The following FANCI variants were observed in gnomAD, a reference collection of about 807,000 sequenced individuals.
The protein encoded by FANCI is Fanconi anemia group I protein.
In FANCI, 156 loss-of-function variants were observed where a neutral mutation model predicts 176.1. That is an observed-to-expected ratio of 0.89 (90% CI 0.78 to 1.01). FANCI has a LOEUF of 1.01. Ranked by LOEUF, FANCI falls within the 50% of genes least tolerant of loss-of-function variation. The pLI, the probability that FANCI is intolerant of heterozygous loss-of-function variation, is 0.00. For missense variants in FANCI, 1,678 were observed against 1,534.1 expected, an observed-to-expected ratio of 1.09 and a Z score of -1.57; for synonymous variants, 613 against 541.7, an observed-to-expected ratio of 1.13 and a Z score of -1.83.
intron 12 of FANCI, among the ~76,000 whole-genome samples, 164 bp downstream of exon 12, chr15:89,274,468 C>G (rs1238729247): frequency 6.6e-6 from 1 of 152,130 alleles, no homozygotes; most frequent in East Asian, 1.9e-4. Context: ...GATACTTTTT[C>G]CCTATGGAAA....
At chr15:89,267,320 C>CAAAAAAAAAA (rs35394265) in intron 9 of FANCI, among the ~76,000 whole-genome samples, 1 of 130,232 alleles carries the variant, frequency 7.7e-6, no homozygotes, top group Non-Finnish European at 1.6e-5. Flanking sequence ...ATCCTTGTCT[C>CAAAAAAAAAA]AAAAAAAAAA....
At chr15:89,310,694 C>T (rs2054919883) in intron 34 of FANCI, among the ~76,000 whole-genome samples, 2 of 152,272 alleles carry the variant, frequency 1.3e-5, no homozygotes, top group African/African-American at 4.8e-5. Context: ...GCATTTTCCA[C>T]ACCTCTCAGT....
intron 34 of FANCI, among the ~76,000 whole-genome samples, chr15:89,312,543 G>A (rs561594866): frequency 6.6e-6 from 1 of 152,312 alleles, no homozygotes; most frequent in South Asian, 2.1e-4. Flanking sequence ...CTAGTTGGTG[G>A]GCATGGTGGC....
In FANCI at chr15:89,273,361, G is replaced by C; in HGVS notation, c.883-16G>C. On this transcript the variant is annotated splice_polypyrimidine_tract_variant and intron_variant, in intron 10 of 37. Transcript: ENST00000310775. ...AAATGTAAGTAAATGACTTCCTTTT[G>C]GTTGCTCTCTTCTAGGTAGGACAGC... is the stretch of plus-strand genomic sequence containing the variant. 7.7e-7 allele frequency: 1 copy of C among 1,298,768 alleles called. No individual in the cohort carries two copies. Among genetic ancestry groups the C allele is most frequent in the Non-Finnish European group, 1.1e-6 (1 of 904,480 alleles). The allele number at this position is 1,298,768 out of a possible 1,614,324, so 80.5% of individuals were successfully genotyped here.
At chr15:89,315,182 G>GA in intron 36 of FANCI, 100 bp from the exon 37 acceptor site, 3 of 875,846 alleles carry the variant, frequency 3.4e-6, no homozygotes. Context: ...GCTTTAGGTA[G>GA]AAATGGAAAG....
chr15:89,288,864 GC>G (rs2053938400), intron 18 of FANCI, among the ~76,000 whole-genome samples: 1 of 151,638 alleles, frequency 6.6e-6, no homozygotes, highest in Non-Finnish European at 1.5e-5. Context: ...GGTCTCAAAT[GC>G]CCTGGCTTCA....
intron 22 of FANCI, among the ~76,000 whole-genome samples, 188 bp from the exon 23 acceptor site, chr15:89,293,645 A>T (rs1173625130): frequency 6.6e-6 from 1 of 152,196 alleles, no homozygotes. Context: ...CCAAGGTCAC[A>T]CCAGGGGAAA....
intron 37 of FANCI, among the ~76,000 whole-genome samples, chr15:89,316,021 C>T (rs1182526484): frequency 6.6e-6 from 1 of 152,214 alleles, no homozygotes; most frequent in African/African-American, 2.4e-5. Context: ...TTTGAACATG[C>T]ATTCTTCAGA....
At chr15:89,294,797 TA>T in intron 23 of FANCI, 117 bp from the exon 24 acceptor site, 1 of 1,048,968 alleles carries the variant, frequency 9.5e-7, no homozygotes, top group Non-Finnish European at 1.3e-6. Context: ...AGTCGGAACT[TA>T]CTGGCAAGCT....
intron 32 of FANCI, among the ~76,000 whole-genome samples, chr15:89,306,827 A>T (rs2054741209): frequency 6.6e-6 from 1 of 152,204 alleles, no homozygotes; most frequent in East Asian, 1.9e-4. Flanking sequence ...CTATCCTAGA[A>T]TTAAATCTGG....
chr15:89,279,775 T>G (rs2053545055), intron 14 of FANCI, among the ~76,000 whole-genome samples: 1 of 152,176 alleles, frequency 6.6e-6, no homozygotes, highest in Non-Finnish European at 1.5e-5. Flanking sequence ...TCTGTCATTT[T>G]TCTCCCTCAT....
chr15:89,280,745 T>G (rs1367990574), intron 14 of FANCI, among the ~76,000 whole-genome samples: 2 of 152,224 alleles, frequency 1.3e-5, no homozygotes, highest in East Asian at 3.8e-4. Context: ...TAAAAAAATT[T>G]TTTTACTTCC....
intron 16 of FANCI, 47 bp downstream of exon 16, chr15:89,281,882 T>C (rs902418420): frequency 3.9e-6 from 6 of 1,556,934 alleles, no homozygotes; most frequent in South Asian, 1.1e-5. Flanking sequence ...TCTTCTAATG[T>C]TGGAGCTAAA....
intron 20 of FANCI, 73 bp from the exon 21 acceptor site, chr15:89,292,615 G>A (rs2054111112): frequency 2.8e-6 from 4 of 1,420,662 alleles, no homozygotes; most frequent in African/African-American, 1.4e-5. Context: ...AGAATTATTT[G>A]CTGGTTATGA....
intron 20 of FANCI, 86 bp downstream of exon 20, chr15:89,291,800 A>G (rs758168948): frequency 4.7e-5 from 48 of 1,025,068 alleles, no homozygotes; most frequent in Non-Finnish European, 6.4e-5. Flanking sequence ...TCCCTGTGAA[A>G]CTCTCTTCCT....
At chr15:89,274,639 CTG>C (rs2053337689) in intron 12 of FANCI, among the ~76,000 whole-genome samples, 1 of 114,644 alleles carries the variant, frequency 8.7e-6, no homozygotes, top group Non-Finnish European at 1.7e-5. Flanking sequence ...GAGTCTCACT[CTG>C]TCACCGAGGC....
At chr15:89,269,609 T>C (rs62020351) in intron 10 of FANCI, among the ~76,000 whole-genome samples, 14,363 of 152,238 alleles carry the variant, frequency 0.094, 784 homozygotes, top group African/African-American at 0.15. Context: ...AAGTGATGTG[T>C]ACATTTTCTT....
intron 9 of FANCI, 162 bp downstream of exon 9, chr15:89,264,769 A>G (rs1046353416): frequency 3.4e-6 from 2 of 591,924 alleles, no homozygotes; most frequent in Admixed American, 2.4e-5. Flanking sequence ...GAATAACATG[A>G]TCTCTTCAGC....
chr15:89,277,125 T>C (rs189041640), intron 13 of FANCI, among the ~76,000 whole-genome samples: 61 of 152,380 alleles, frequency 4.0e-4, no homozygotes, highest in African/African-American at 6.3e-4. Context: ...TCCAATTGTT[T>C]CTGACCTAGA....
Sources: gnomAD v4.1 joint callset for allele counts (sites outside exome capture counted in the v4.1 genomes callset) on GRCh38, gnomAD v4.1.1 for gene constraint, MANE v1.5 for transcripts, NCBI Gene and HGNC (gene_info 2026-07-23, HGNC 2026-07-21) for gene names.